Variants in ITPR2 observed in about 807,000 individuals in gnomAD.
ITPR2 encodes inositol 1,4,5-trisphosphate-gated calcium channel ITPR2.
In ITPR2, 207 loss-of-function variants were observed where a neutral mutation model predicts 317.1. The ratio of observed to expected loss-of-function variants is 0.65; its 90% CI spans 0.58 to 0.73. The LOEUF is 0.73. Among genes scored for constraint, ITPR2 ranks in the 30% least tolerant of loss-of-function variants. The pLI is 0.00. For missense variants in ITPR2, 2,613 were observed against 3,284.0 expected, an observed-to-expected ratio of 0.80 and a Z score of 4.99; for synonymous variants, 1,156 against 1,149.1, an observed-to-expected ratio of 1.01 and a Z score of -0.12.
intron 37 of ITPR2, among the ~76,000 whole-genome samples, chr12:26,521,082 G>A (rs1943649142): frequency 6.6e-6 from 1 of 152,046 alleles, no homozygotes; most frequent in Non-Finnish European, 1.5e-5. Context: ...CCTTTCTATG[G>A]TATAAATACT....
At chr12:26,568,984 T>C (rs1284216429) in intron 34 of ITPR2, among the ~76,000 whole-genome samples, 1 of 152,172 alleles carries the variant, frequency 6.6e-6, no homozygotes, top group Non-Finnish European at 1.5e-5. Flanking sequence ...AGAACTAGTA[T>C]TGGCACACTT....
At chr12:26,602,857 T>A in intron 26 of ITPR2, 151 bp from the exon 27 acceptor site, 1 of 434,250 alleles carries the variant, frequency 2.3e-6, no homozygotes, top group Non-Finnish European at 3.8e-6. Context: ...TTTTATTGCA[T>A]AAAAAGTTCC....
intron 55 of ITPR2, among the ~76,000 whole-genome samples, chr12:26,363,602 TC>T (rs769244165): frequency 1.3e-5 from 2 of 152,244 alleles, no homozygotes; most frequent in East Asian, 3.9e-4. Flanking sequence ...AGACTTTCTC[TC>T]CAGATCACAA....
chr12:26,518,630 C>T (rs1019188854), intron 37 of ITPR2, among the ~76,000 whole-genome samples: 29 of 151,872 alleles, frequency 1.9e-4, no homozygotes, highest in Non-Finnish European at 3.5e-4. Context: ...AAATGTCATA[C>T]CCAAAAATAA....
intron 2 of ITPR2, among the ~76,000 whole-genome samples, chr12:26,788,399 C>G (rs1346150421): frequency 6.6e-6 from 1 of 152,206 alleles, no homozygotes; most frequent in Admixed American, 6.5e-5. Flanking sequence ...ATGACACAGG[C>G]AGCAAGCAGT....
intron 55 of ITPR2, among the ~76,000 whole-genome samples, chr12:26,365,423 A>G (rs1270591159): frequency 6.6e-6 from 1 of 152,044 alleles, no homozygotes; most frequent in Non-Finnish European, 1.5e-5. Context: ...TCCTTGGCGT[A>G]CTGTATCCCC....
intron 26 of ITPR2, among the ~76,000 whole-genome samples, chr12:26,619,835 C>T (rs1180947978): frequency 1.3e-5 from 2 of 152,186 alleles, no homozygotes; most frequent in African/African-American, 4.8e-5. Flanking sequence ...TTACCACGTG[C>T]ATAGGGTTTC....
chr12:26,683,367 T>C (rs1475206723), intron 11 of ITPR2, among the ~76,000 whole-genome samples: 3 of 152,216 alleles, frequency 2.0e-5, no homozygotes, highest in South Asian at 4.1e-4. Context: ...GTCCTTTTTG[T>C]GGCCCATTTA....
Position 26,659,206 on chromosome 12 carries a change from A to G in ITPR2, c.1793T>C (p.Leu598Ser). The G allele has an allele frequency of 6.2e-7, 1 of 1,613,386 alleles. No homozygotes were observed. The highest frequency in any genetic ancestry group is 8.5e-7 in the Non-Finnish European group (1 of 1,179,434). ...DILAEDTITA[L>S]LHNNRKLLEK... The stretch of plus-strand genomic sequence containing the variant: ...TAGTAGTTTTCTGTTGTTGTGCAAC[A>G]AAGCTGTGATAGTATCTTCTGCCAA... Residue 598 changes from leucine (L) to serine (S), a missense_variant, in exon 16 of 57, where the codon TTG becomes TCG. Leu to Ser is a moderately radical substitution (Grantham distance 145). Transcript: ENST00000381340.
chr12:26,553,602 C>T (rs140544478), intron 36 of ITPR2, among the ~76,000 whole-genome samples: 3,331 of 152,024 alleles, frequency 0.022, 53 homozygotes, highest in Middle Eastern at 0.058. Flanking sequence ...CTGGCTAACA[C>T]GGTGAAACCC....
intron 21 of ITPR2, among the ~76,000 whole-genome samples, chr12:26,639,512 C>T (rs1156317343): frequency 1.3e-5 from 2 of 151,528 alleles, no homozygotes; most frequent in Non-Finnish European, 2.9e-5. Context: ...GGTACATGTG[C>T]ACAACGTGCT....
chr12:26,569,545 ACT>A (rs951069442), intron 34 of ITPR2, among the ~76,000 whole-genome samples: 149 of 120,042 alleles, frequency 1.2e-3, no homozygotes, highest in African/African-American at 4.6e-3. Flanking sequence ...ACAGAGCAAG[ACT>A]CTGTCTCAAA....
intron 6 of ITPR2, 134 bp from the exon 7 acceptor site, chr12:26,715,969 TGA>T (rs2137031919): frequency 1.3e-6 from 1 of 741,818 alleles, no homozygotes; most frequent in African/African-American, 1.8e-5. Context: ...CAAGTATCTT[TGA>T]GAGACCATCC....
At chr12:26,548,437 T>TC (rs1944441634) in intron 37 of ITPR2, among the ~76,000 whole-genome samples, 1 of 152,004 alleles carries the variant, frequency 6.6e-6, no homozygotes, top group Non-Finnish European at 1.5e-5. Context: ...TCTGAAGGGC[T>TC]CTAGTGATCT....
chr12:26,714,265 T>C (rs1948700083), intron 8 of ITPR2, among the ~76,000 whole-genome samples: 1 of 152,182 alleles, frequency 6.6e-6, no homozygotes, highest in African/African-American at 2.4e-5. Context: ...CGTTTTTCAG[T>C]TTGTTCCGTT....
intron 10 of ITPR2, among the ~76,000 whole-genome samples, chr12:26,692,963 C>T (rs1487466467): frequency 6.6e-6 from 1 of 152,206 alleles, no homozygotes; most frequent in East Asian, 1.9e-4. Flanking sequence ...TAAACTCTAA[C>T]AGCTCCTTTG....
chr12:26,510,564 CA>C (rs1943316941), intron 37 of ITPR2, among the ~76,000 whole-genome samples: 1 of 152,218 alleles, frequency 6.6e-6, no homozygotes, highest in Non-Finnish European at 1.5e-5. Context: ...GTTAAGCAGT[CA>C]GGTCGCAGAA....
Position 26,371,966 on chromosome 12 carries a change from T to A in ITPR2, c.7857+15468A>T, listed in dbSNP as rs186996275. ...ACATAAAAGTCATCAATGCCTCTCC[T>A]GTGTTTGAAGGATCAAACAGGAACT... On this transcript the variant is annotated intron_variant, in intron 55 of 56. Coordinates refer to ENST00000381340, the MANE Select transcript of ITPR2 (RefSeq NM_002223.4). Among the ~76,000 whole-genome samples the A allele has an allele frequency of 2.2e-4, 34 of 152,302 alleles. No individual in the cohort carries two copies. The East Asian group carries it at 5.2e-3, about 23-fold the overall frequency.
chr12:26,658,771 C>A (rs780632877), intron 16 of ITPR2, among the ~76,000 whole-genome samples: 19 of 152,104 alleles, frequency 1.2e-4, no homozygotes, highest in Non-Finnish European at 1.9e-4. Flanking sequence ...TTTCTCATCT[C>A]TAAAATGGGG....
Sources: gnomAD v4.1 joint callset for allele counts (sites outside exome capture counted in the v4.1 genomes callset) on GRCh38, gnomAD v4.1.1 for gene constraint, MANE v1.5 for transcripts, NCBI Gene and HGNC (gene_info 2026-07-23, HGNC 2026-07-21) for gene names.